SAMD4A: variants seen among roughly 807,000 people sequenced by gnomAD.
SAMD4A encodes protein Smaug homolog 1.
SAMD4A carries 33 observed loss-of-function variants against 81.3 expected under a neutral mutation model. That is an observed-to-expected ratio of 0.41 (90% confidence interval 0.31 to 0.54). The LOEUF (loss-of-function observed/expected upper bound fraction) is 0.54, where lower values mean the gene tolerates loss of function less well. Ranked by LOEUF, SAMD4A falls within the 20% of genes least tolerant of loss-of-function variation. The pLI, the probability that SAMD4A is intolerant of heterozygous loss-of-function variation, is 0.37. For missense variants in SAMD4A, 854 were observed against 951.1 expected, an observed-to-expected ratio of 0.90 and a Z score of 1.34; for synonymous variants, 389 against 382.1, an observed-to-expected ratio of 1.02 and a Z score of -0.21.
intron 3 of SAMD4A, 44 bp from the exon 4 acceptor site, chr14:54,736,980 T>TA (rs1566611601): frequency 1.2e-6 from 2 of 1,603,666 alleles, no homozygotes; most frequent in Non-Finnish European, 1.7e-6. Flanking sequence ...TGTCCCAGGA[T>TA]AAAGGGGGGG....
intron 9 of SAMD4A, among the ~76,000 whole-genome samples, chr14:54,774,304 G>C (rs1022737823): frequency 1.3e-5 from 2 of 152,230 alleles, no homozygotes; most frequent in Non-Finnish European, 2.9e-5. Flanking sequence ...AAATAATGTC[G>C]AAGTCCCAGG....
intron 11 of SAMD4A, among the ~76,000 whole-genome samples, chr14:54,778,008 C>G (rs1053360869): frequency 3.9e-5 from 6 of 152,158 alleles, no homozygotes; most frequent in African/African-American, 1.4e-4. Context: ...TATGTATAAT[C>G]CATTCCCAAT....
At chr14:54,626,874 T>C (rs2034776488) in intron 2 of SAMD4A, among the ~76,000 whole-genome samples, 1 of 152,204 alleles carries the variant, frequency 6.6e-6, no homozygotes, top group Non-Finnish European at 1.5e-5. Flanking sequence ...ATTATACCCA[T>C]TTTAGAGCTG....
chr14:54,702,831 A>G (rs1425187206), intron 3 of SAMD4A: 1 of 454,942 alleles, frequency 2.2e-6, no homozygotes, highest in Admixed American at 3.6e-5. Context: ...AAAAATAAAT[A>G]GACAATAAAT....
intron 2 of SAMD4A, among the ~76,000 whole-genome samples, chr14:54,568,735 AT>A (rs1566524866): frequency 8.4e-5 from 9 of 106,742 alleles, no homozygotes; most frequent in South Asian, 3.0e-4. Context: ...ATATATATAT[AT>A]ATATAATGCG....
At chr14:54,643,125 G>A (rs1473553769) in intron 2 of SAMD4A, among the ~76,000 whole-genome samples, 3 of 152,254 alleles carry the variant, frequency 2.0e-5, no homozygotes, top group Non-Finnish European at 4.4e-5. Flanking sequence ...TAAGACAACA[G>A]GCAAGGGCCA....
At chr14:54,649,785 A>G (rs2035364571) in intron 2 of SAMD4A, among the ~76,000 whole-genome samples, 1 of 152,112 alleles carries the variant, frequency 6.6e-6, no homozygotes. Flanking sequence ...AGAAGGAGGA[A>G]CTTTTTCTAA....
At chr14:54,758,352 C>T (rs956011179) in intron 6 of SAMD4A, among the ~76,000 whole-genome samples, 2 of 152,194 alleles carry the variant, frequency 1.3e-5, no homozygotes, top group Non-Finnish European at 2.9e-5. Context: ...CCAAGCCTGC[C>T]GTCCTCAGCT....
chr14:54,697,482 A>G (rs2036605530), intron 2 of SAMD4A, among the ~76,000 whole-genome samples: 1 of 152,152 alleles, frequency 6.6e-6, no homozygotes, highest in Admixed American at 6.5e-5. Flanking sequence ...TCTCTCCTTG[A>G]GGGTAGCTGG....
At chr14:54,586,487 C>T (rs1234631993) in intron 2 of SAMD4A, among the ~76,000 whole-genome samples, 1 of 152,196 alleles carries the variant, frequency 6.6e-6, no homozygotes, top group Admixed American at 6.5e-5. Flanking sequence ...GGTTCTTGAT[C>T]ATGACGTCTT....
intron 4 of SAMD4A, among the ~76,000 whole-genome samples, chr14:54,745,652 A>G (rs2037950042): frequency 6.6e-6 from 1 of 152,242 alleles, no homozygotes; most frequent in African/African-American, 2.4e-5. Flanking sequence ...TAAATGTTGA[A>G]TGAGCAAATA....
rs1426499928 is a variant in SAMD4A at position 54,567,907 on chromosome 14, C to A, written c.-10C>A. On this transcript the variant is annotated 5_prime_UTR_variant, in exon 2 of 13. Transcript: ENST00000554335. ...AGGGGGCTCTGTAGACCGAGGGCGG[C>A]CCCCTAACCATGATGTTTCGCGACC... 6 of 1,603,388 alleles carry A rather than the reference C, an allele frequency of 3.7e-6. No individual in the cohort carries two copies. The highest frequency in any genetic ancestry group is 1.1e-5 in the South Asian group (1 of 90,446).
intron 6 of SAMD4A, among the ~76,000 whole-genome samples, 162 bp downstream of exon 6, chr14:54,751,699 G>C (rs1326127432): frequency 6.6e-6 from 1 of 152,168 alleles, no homozygotes; most frequent in African/African-American, 2.4e-5. Flanking sequence ...AAACTTCCTG[G>C]TTGCACGTGC....
At chr14:54,761,128 G>T (rs1013580840) in intron 7 of SAMD4A, among the ~76,000 whole-genome samples, 3 of 152,222 alleles carry the variant, frequency 2.0e-5, no homozygotes, top group Non-Finnish European at 4.4e-5. Context: ...CGAATAGCTT[G>T]TGCTTATTTA....
chr14:54,706,741 A>C (rs1371278315), intron 3 of SAMD4A, among the ~76,000 whole-genome samples: 1 of 152,144 alleles, frequency 6.6e-6, no homozygotes, highest in Non-Finnish European at 1.5e-5. Flanking sequence ...AGGAATACGC[A>C]CTGAGAGCAA....
intron 9 of SAMD4A, 76 bp from the exon 10 acceptor site, chr14:54,774,858 T>A: frequency 6.0e-4 from 643 of 1,068,988 alleles, no homozygotes; most frequent in Non-Finnish European, 8.4e-4. Context: ...CAAGGCGACA[T>A]CCCTTGGGAA....
chr14:54,666,329 C>A (rs1186911629), intron 2 of SAMD4A, among the ~76,000 whole-genome samples: 2 of 152,158 alleles, frequency 1.3e-5, no homozygotes, highest in East Asian at 3.9e-4. Context: ...CATATTAGGG[C>A]AGGCTTAGTG....
At chr14:54,693,675 C>G (rs564203586) in intron 2 of SAMD4A, 2 of 152,112 alleles carry the variant, frequency 1.3e-5, no homozygotes, top group East Asian at 1.9e-4. Flanking sequence ...AGAGCAAGAC[C>G]CTGTCTCAAA....
intron 11 of SAMD4A, among the ~76,000 whole-genome samples, chr14:54,783,333 A>C (rs1247822708): frequency 6.6e-6 from 1 of 152,162 alleles, no homozygotes; most frequent in Non-Finnish European, 1.5e-5. Context: ...TCTACAAGGC[A>C]CTTCCAGGTA....
Sources: allele counts gnomAD v4.1 joint callset (sites outside exome capture counted in the v4.1 genomes callset), GRCh38; gene constraint gnomAD v4.1.1; transcripts MANE v1.5; gene names NCBI Gene and HGNC (gene_info 2026-07-23, HGNC 2026-07-21).